Variants in AKAP6 observed in about 807,000 individuals in gnomAD.
The protein encoded by AKAP6 is A-kinase anchor protein 6.
Under a neutral mutation model 188.5 loss-of-function variants are expected in AKAP6, and 58 were observed. The ratio of observed to expected loss-of-function variants is 0.31; its 90% CI spans 0.25 to 0.38. AKAP6 has a LOEUF of 0.38. Among genes scored for constraint, AKAP6 ranks in the 10% least tolerant of loss-of-function variants. AKAP6 has a pLI of 1.00. For synonymous variants in AKAP6, 989 were observed against 998.6 expected (o/e 0.99, Z 0.18); for missense variants, 2,710 against 2,740.0 (o/e 0.99, Z 0.24).
At chr14:32,675,002 A>G (rs1889369237) in intron 7 of AKAP6, among the ~76,000 whole-genome samples, 1 of 152,178 alleles carries the variant, frequency 6.6e-6, no homozygotes. Context: ...ACAGTAAGTG[A>G]AAACTGATCT....
rs185395957 is a variant in AKAP6 at position 32,670,355 on chromosome 14, T to A, written c.2731-7956T>A. Among the ~76,000 whole-genome samples, 514 of 151,010 alleles carry A rather than the reference T, an allele frequency of 3.4e-3. 1 individual carries two copies. The highest frequency in any genetic ancestry group is 4.4e-3 in the Non-Finnish European group (295 of 67,564). On this transcript the variant is annotated intron_variant, in intron 7 of 13. Coordinates refer to ENST00000280979, the MANE Select transcript of AKAP6 (RefSeq NM_004274.5). The stretch of plus-strand genomic sequence containing the variant: ...TGTAGATTCTAATCAACCCTGGAAG[T>A]CCTTGGGAGGGTCCATGAGGGTCTT...
intron 4 of AKAP6, among the ~76,000 whole-genome samples, chr14:32,566,410 T>C (rs1047539822): frequency 6.6e-6 from 1 of 152,118 alleles, no homozygotes; most frequent in African/African-American, 2.4e-5. Context: ...GCAAAAACTT[T>C]CTGGGGATCT....
chr14:32,647,850 C>A (rs1209189837), intron 7 of AKAP6, among the ~76,000 whole-genome samples: 1 of 151,972 alleles, frequency 6.6e-6, no homozygotes, highest in African/African-American at 2.4e-5. Flanking sequence ...TAATCAGTAG[C>A]CCTCCTGAAG....
intron 8 of AKAP6, among the ~76,000 whole-genome samples, chr14:32,680,089 C>G (rs543939642): frequency 6.6e-6 from 1 of 152,206 alleles, no homozygotes; most frequent in Admixed American, 6.5e-5. Context: ...ACTCTGGGCT[C>G]CACAAATCAT....
At chr14:32,530,894 CA>C (rs201618893) in intron 2 of AKAP6, among the ~76,000 whole-genome samples, 34 of 151,802 alleles carry the variant, frequency 2.2e-4, no homozygotes, top group Admixed American at 7.2e-4. Flanking sequence ...AAACAAAAAA[CA>C]AAAAACAAAA....
chr14:32,803,358 G>T (rs192050768), intron 12 of AKAP6, among the ~76,000 whole-genome samples: 48 of 151,896 alleles, frequency 3.2e-4, no homozygotes, highest in African/African-American at 1.1e-3. Context: ...ATCATGTCGG[G>T]TATACATAAC....
chr14:32,533,881 C>A (rs1882548346), intron 2 of AKAP6, among the ~76,000 whole-genome samples: 1 of 152,142 alleles, frequency 6.6e-6, no homozygotes, highest in South Asian at 2.1e-4. Flanking sequence ...TTTTGGATTG[C>A]ATTACCTTGT....
chr14:32,542,240 A>G (rs1417635246), intron 3 of AKAP6, among the ~76,000 whole-genome samples: 3 of 152,190 alleles, frequency 2.0e-5, no homozygotes, highest in African/African-American at 7.2e-5. Context: ...TAATTATTGG[A>G]GTTAACTAAA....
intron 2 of AKAP6, among the ~76,000 whole-genome samples, chr14:32,482,979 G>C (rs1007856148): frequency 1.3e-3 from 16 of 12,726 alleles, no homozygotes; most frequent in African/African-American, 8.2e-3. Context: ...GTGTCTGTGT[G>C]TGTGTGTGTG....
intron 1 of AKAP6, among the ~76,000 whole-genome samples, chr14:32,395,376 C>A (rs1242967192): frequency 6.6e-6 from 1 of 152,042 alleles, no homozygotes; most frequent in Non-Finnish European, 1.5e-5. Context: ...AGCCCTTGAG[C>A]CCCCACAAGA....
rs2030798072 is a variant in AKAP6 at position 32,725,043 on chromosome 14, C to A, written c.3001-7411C>A. Among the ~76,000 whole-genome samples the A allele has an allele frequency of 4.7e-5, 5 of 106,892 alleles. No homozygotes were observed. The South Asian group carries it at 1.0e-3, about 22-fold the overall frequency. 70.1% of individuals were successfully genotyped at this position (106,892 alleles called of 152,430 possible). On this transcript the variant is annotated intron_variant, in intron 9 of 13. Coordinates refer to ENST00000280979, the MANE Select transcript of AKAP6 (RefSeq NM_004274.5). ...CAATTTTCCTGAATAGACAGGCTGA[C>A]AACAATATTGTTCAGTGTGGGTTTT...
chr14:32,643,759 G>A (rs1239780634), intron 7 of AKAP6, among the ~76,000 whole-genome samples: 4 of 152,146 alleles, frequency 2.6e-5, no homozygotes, highest in Non-Finnish European at 5.9e-5. Flanking sequence ...TCATCAGGAA[G>A]ACATAAAGAC....
chr14:32,545,527 G>A lies in AKAP6; in HGVS notation c.874G>A (p.Glu292Lys). Residue 292 changes from glutamate (E) to lysine (K), a missense_variant, in exon 4 of 14, where the codon GAG (glutamate) becomes AAG (lysine). By Grantham distance (56) the Glu-to-Lys change is moderately conservative. Around this residue, in one of 2 missense-constraint regions of AKAP6, gnomAD observed 2,473 missense variants for 2,426.1 expected, o/e 1.02. Transcript: ENST00000280979. ...TACCAATGGCAGTGAAGCAGTTACT[G>A]AGGAGGTATCTCAAGTATCTCTCTC... ...ISTNGSEAVT[E>K]EVSQVSLSVD... The A allele has an allele frequency of 6.2e-7, 1 of 1,614,232 alleles. No individual in the cohort carries two copies. Among genetic ancestry groups the A allele is most frequent in the Non-Finnish European group, 8.5e-7 (1 of 1,180,028 alleles).
chr14:32,631,239 C>T (rs938476511), intron 7 of AKAP6, among the ~76,000 whole-genome samples: 19 of 151,720 alleles, frequency 1.3e-4, no homozygotes, highest in Middle Eastern at 3.2e-3. Context: ...TTGAGCGCCC[C>T]GTATATAAGA....
rs1491428260 is a variant in AKAP6, at chr14:32,529,962, ACT to A, written c.325-5591_325-5590del. Among the ~76,000 whole-genome samples the A allele has an allele frequency of 2.2e-3, 265 of 118,836 alleles. 1 individual carries two copies. Among genetic ancestry groups the A allele is most frequent in the African/African-American group, 8.4e-3 (244 of 29,058 alleles). The allele number at this position is 118,836 out of a possible 152,430, so 78.0% of individuals were successfully genotyped here. On this transcript the variant is annotated intron_variant, in intron 2 of 13. Transcript: ENST00000280979. ...ATATGGTGAACATATGGGTAAAGAA[ACT>A]TTTTTTTTTTTTTTTTTTTTTTTTG...
intron 2 of AKAP6, among the ~76,000 whole-genome samples, chr14:32,516,959 A>G (rs1282938726): frequency 1.3e-5 from 2 of 152,228 alleles, no homozygotes; most frequent in African/African-American, 4.8e-5. Context: ...AAAGATTACT[A>G]TTACAGAATA....
chr14:32,516,892 C>G (rs79565179), intron 2 of AKAP6, among the ~76,000 whole-genome samples: 2 of 152,088 alleles, frequency 1.3e-5, no homozygotes, highest in East Asian at 1.9e-4. Context: ...GGAAACCAAG[C>G]CTTCTTAGAA....
At chr14:32,395,813 A>G (rs1007544720) in intron 1 of AKAP6, among the ~76,000 whole-genome samples, 5 of 152,132 alleles carry the variant, frequency 3.3e-5, no homozygotes, top group Admixed American at 2.6e-4. Context: ...GTGTGGGCAT[A>G]CTTCTATTAT....
At chr14:32,756,909 G>A (rs2032356301) in intron 11 of AKAP6, among the ~76,000 whole-genome samples, 1 of 152,160 alleles carries the variant, frequency 6.6e-6, no homozygotes, top group East Asian at 1.9e-4. Context: ...TGGAGCTGGG[G>A]TGTGCATGTG....
Sources: gnomAD v4.1 joint callset for allele counts (sites outside exome capture counted in the v4.1 genomes callset) on GRCh38, gnomAD v4.1.1 for gene constraint, gnomAD v4.1.1 regional missense constraint, MANE v1.5 for transcripts, NCBI Gene and HGNC (gene_info 2026-07-23, HGNC 2026-07-21) for gene names.